The following OLFM3 variants were observed in gnomAD, a reference collection of about 807,000 sequenced individuals.
The protein encoded by OLFM3 is olfactomedin 3.
In OLFM3, 20 loss-of-function variants were observed where a neutral mutation model predicts 48.6. The ratio of observed to expected loss-of-function variants is 0.41; its 90% CI spans 0.29 to 0.60. The LOEUF (loss-of-function observed/expected upper bound fraction) is 0.60. OLFM3 is among the 20% of genes least tolerant of loss of function. The pLI, the probability that OLFM3 is intolerant of heterozygous loss-of-function variation, is 0.28. For synonymous variants in OLFM3, 222 were observed against 198.1 expected, an observed-to-expected ratio of 1.12 and a Z score of -1.01; for missense variants, 437 against 544.3, an observed-to-expected ratio of 0.80 and a Z score of 1.96.
chr1:101,910,577 A>T (rs1323404537), intron 1 of OLFM3, among the ~76,000 whole-genome samples: 1 of 152,210 alleles, frequency 6.6e-6, no homozygotes, highest in Non-Finnish European at 1.5e-5. Flanking sequence ...TGAAAAATAT[A>T]TGCGGTATAC....
intron 3 of OLFM3, among the ~76,000 whole-genome samples, chr1:101,828,161 CT>C (rs1654978167): frequency 6.6e-6 from 1 of 152,062 alleles, no homozygotes; most frequent in African/African-American, 2.4e-5. Flanking sequence ...CCATGCAGAA[CT>C]GTAAGTCAAT....
chr1:101,828,168 T>C (rs1170644453), intron 3 of OLFM3, among the ~76,000 whole-genome samples: 1 of 152,018 alleles, frequency 6.6e-6, no homozygotes, highest in Non-Finnish European at 1.5e-5. Flanking sequence ...GAACTGTAAG[T>C]CAATTAAACC....
chr1:101,921,491 T>C (rs550602978), intron 1 of OLFM3, among the ~76,000 whole-genome samples: 3 of 152,268 alleles, frequency 2.0e-5, no homozygotes, highest in African/African-American at 7.2e-5. Flanking sequence ...AAAGCTGGTG[T>C]AGGCTCCTTG....
At chr1:101,892,876 A>T (rs1046287120) in intron 1 of OLFM3, among the ~76,000 whole-genome samples, 1 of 152,116 alleles carries the variant, frequency 6.6e-6, no homozygotes, top group Non-Finnish European at 1.5e-5. Context: ...TACCTATTCA[A>T]GGAACAAAAG....
intron 1 of OLFM3, among the ~76,000 whole-genome samples, chr1:101,912,112 C>T (rs890997187): frequency 2.6e-5 from 4 of 152,258 alleles, no homozygotes; most frequent in East Asian, 3.9e-4. Context: ...TGCTTATTCT[C>T]GGCAATGAGC....
At chr1:101,949,727 A>C (rs12134538) in intron 1 of OLFM3, among the ~76,000 whole-genome samples, 2 of 151,642 alleles carry the variant, frequency 1.3e-5, no homozygotes, top group African/African-American at 4.8e-5. Context: ...TCAGGAGATC[A>C]AGACCATCCT....
chr1:101,935,284 AG>A (rs79598983), intron 1 of OLFM3, among the ~76,000 whole-genome samples: 7,780 of 150,974 alleles, frequency 0.052, 651 homozygotes, highest in African/African-American at 0.17. Flanking sequence ...GAAATTACAA[AG>A]GGAACATTAC....
intron 1 of OLFM3, among the ~76,000 whole-genome samples, chr1:101,914,811 A>C (rs538728607): frequency 6.6e-6 from 1 of 152,324 alleles, no homozygotes; most frequent in East Asian, 1.9e-4. Flanking sequence ...ATTGAAGTTA[A>C]ATACATGCAT....
chr1:101,908,842 C>T (rs1658644618), intron 1 of OLFM3, among the ~76,000 whole-genome samples: 1 of 152,124 alleles, frequency 6.6e-6, no homozygotes, highest in African/African-American at 2.4e-5. Flanking sequence ...TGCCTGGAGC[C>T]ACCAGAAAGC....
chr1:101,974,039 C>T (rs1336520121), intron 1 of OLFM3, among the ~76,000 whole-genome samples: 1 of 151,324 alleles, frequency 6.6e-6, no homozygotes, highest in East Asian at 1.9e-4. Context: ...AGCTTCAAGA[C>T]CCCATTTACA....
At chr1:101,848,008 A>G (rs1656079976) in intron 1 of OLFM3, among the ~76,000 whole-genome samples, 2 of 152,152 alleles carry the variant, frequency 1.3e-5, no homozygotes, top group South Asian at 4.1e-4. Flanking sequence ...CCAGCTCTCA[A>G]ATTCAATGAT....
chr1:101,854,967 A>G (rs569035047), intron 1 of OLFM3, among the ~76,000 whole-genome samples: 5 of 152,250 alleles, frequency 3.3e-5, no homozygotes, highest in African/African-American at 1.2e-4. Flanking sequence ...TGCCATCACT[A>G]TGCAAAAGAA....
chr1:101,848,487 T>G lies in OLFM3; in HGVS notation c.70-11462A>C, dbSNP rs185592469. 5.2e-3 allele frequency among the ~76,000 whole-genome samples: 771 copies of G among 149,602 alleles called. 2 individuals carry two copies. The highest frequency in any genetic ancestry group is 8.5e-3 in the Non-Finnish European group (577 of 67,530). On this transcript the variant is annotated intron_variant, in intron 1 of 5. Coordinates refer to ENST00000370103, the MANE Select transcript of OLFM3 (RefSeq NM_058170.4). ...AGACTCCTCAAATCTTCCTTGCAAC[T>G]ATTAGCTTAGAATCCAGGCCATTTT...
At position 101,803,052 on chromosome 1, in the gene OLFM3, C is replaced by T. The variant is rs1432823103; in HGVS notation, c.*1186G>A. 6.6e-6 allele frequency: 1 copy of T among 151,806 alleles called. No homozygotes were observed. The highest frequency in any genetic ancestry group is 1.5e-5 in the Non-Finnish European group (1 of 67,662). The allele number at this position is 151,806 out of a possible 1,614,324, so 9.4% of individuals were successfully genotyped here. On this transcript the variant is annotated 3_prime_UTR_variant, in exon 6 of 6. Coordinates refer to ENST00000370103, the MANE Select transcript of OLFM3 (RefSeq NM_058170.4). The stretch of plus-strand genomic sequence containing the variant: ...TTGTTTTCTGAATTGGTTATTTACA[C>T]TTTTGAAACCACAAAGACAACTCCC...
chr1:101,934,140 C>A (rs933012902), intron 1 of OLFM3, among the ~76,000 whole-genome samples: 1 of 151,978 alleles, frequency 6.6e-6, no homozygotes, highest in African/African-American at 2.4e-5. Flanking sequence ...TGCAAACAGG[C>A]TAAATGTTCC....
intron 2 of OLFM3, among the ~76,000 whole-genome samples, chr1:101,835,788 G>T (rs1375560018): frequency 3.3e-5 from 5 of 152,068 alleles, no homozygotes; most frequent in African/African-American, 1.2e-4. Flanking sequence ...TCAAGCAGAG[G>T]GGAAGGAGAA....
At chr1:101,901,333 A>G (rs1386640052) in intron 1 of OLFM3, among the ~76,000 whole-genome samples, 1 of 152,112 alleles carries the variant, frequency 6.6e-6, no homozygotes. Flanking sequence ...AGAATTTCAG[A>G]TGGAGACAAA....
intron 4 of OLFM3, among the ~76,000 whole-genome samples, chr1:101,814,843 A>C (rs1029563322): frequency 6.6e-6 from 1 of 152,242 alleles, no homozygotes; most frequent in Non-Finnish European, 1.5e-5. Flanking sequence ...CTTGGTACAT[A>C]GTTAAGTACT....
intron 1 of OLFM3, among the ~76,000 whole-genome samples, chr1:101,883,893 G>A (rs915335741): frequency 4.6e-5 from 7 of 151,238 alleles, no homozygotes; most frequent in East Asian, 1.9e-4. Flanking sequence ...ACAAGACAGC[G>A]GGTTCCATCT....
Sources: gnomAD v4.1 joint callset for allele counts (sites outside exome capture counted in the v4.1 genomes callset) on GRCh38, gnomAD v4.1.1 for gene constraint, MANE v1.5 for transcripts, NCBI Gene and HGNC (gene_info 2026-07-23, HGNC 2026-07-21) for gene names.